Variants in CDC123 observed in about 807,000 individuals in gnomAD.
CDC123 encodes cell division cycle 123, also known as translation initiation factor eIF2 assembly protein.
In CDC123, 37 loss-of-function variants were observed where a neutral mutation model predicts 54.4. The ratio of observed to expected loss-of-function variants is 0.68; its 90% confidence interval spans 0.52 to 0.89. The LOEUF is 0.89. Ranked by LOEUF, CDC123 falls within the 40% of genes least tolerant of loss-of-function variation. The pLI, the probability that CDC123 is intolerant of heterozygous loss-of-function variation, is 0.00. For synonymous variants in CDC123, 144 were observed against 136.8 expected (o/e 1.05, Z -0.37); for missense variants, 361 against 412.1 (o/e 0.88, Z 1.07).
intron 2 of CDC123, among the ~76,000 whole-genome samples, chr10:12,207,930 C>CTGCT (rs1835543238): frequency 6.6e-6 from 1 of 152,182 alleles, no homozygotes; most frequent in Non-Finnish European, 1.5e-5. Flanking sequence ...ATATGTCTCG[C>CTGCT]TGCTCCCTGG....
At chr10:12,206,381 G>A (rs1213724829) in intron 2 of CDC123, among the ~76,000 whole-genome samples, 1 of 152,254 alleles carries the variant, frequency 6.6e-6, no homozygotes, top group Non-Finnish European at 1.5e-5. Flanking sequence ...AGAGACGTAA[G>A]AGAGAAAGGC....
chr10:12,233,315 A>ACACACT (rs778520834), intron 7 of CDC123, among the ~76,000 whole-genome samples: 5 of 125,872 alleles, frequency 4.0e-5, no homozygotes, highest in Non-Finnish European at 8.8e-5. Context: ...ACACACACAC[A>ACACACT]CTCTCTGTCT....
rs751471870 is a variant in CDC123, at chr10:12,196,210, A to G, written c.-36A>G. ...CCCAGAGTTCCGGGAGGGTGCAGGC[A>G]GGAGAGGGAAAGGCAGCAGCGGCGG... is the stretch of plus-strand genomic sequence containing the variant. On this transcript the variant is annotated 5_prime_UTR_variant, in exon 1 of 13. Transcript: ENST00000281141. The G allele has an allele frequency of 1.9e-6, 3 of 1,613,568 alleles. No homozygotes were observed. The highest frequency in any genetic ancestry group is 2.5e-6 in the Non-Finnish European group (3 of 1,179,940).
chr10:12,250,421 G>C lies in CDC123; in HGVS notation c.*84G>C. The stretch of plus-strand genomic sequence containing the variant: ...TCAGCCGCAACTTCCTGCCGACCCT[G>C]ATGCGGGTGGGCCGAGCAGTGTGGA... On this transcript the variant is annotated 3_prime_UTR_variant, in exon 13 of 13. Coordinates refer to ENST00000281141, the MANE Select transcript of CDC123 (RefSeq NM_006023.3). 9.6e-7 allele frequency: 1 copy of C among 1,038,630 alleles called. No homozygotes were observed. The highest frequency in any genetic ancestry group is 1.5e-6 in the Non-Finnish European group (1 of 655,588). 64.3% of individuals were successfully genotyped at this position (1,038,630 alleles called of 1,614,324 possible). A position where few individuals can be genotyped will look rare whatever the true frequency, so the allele number is the denominator to read the frequency against.
Position 12,238,461 on chromosome 10 carries a change from G to A in CDC123, c.693G>A (p.Val231=). ...GACTTTTTTTCTCCTTTACAGTTGT[G>A]TTCGATATATACAGAGACAGTAGGG... ...IQYKFLDEDF[V]FDIYRDSRGK... The change falls in exon 10 of 13, where the codon GTG becomes GTA. Residue 231 remains valine (V), a synonymous_variant. Coordinates refer to ENST00000281141, the MANE Select transcript of CDC123 (RefSeq NM_006023.3). The A allele has an allele frequency of 6.2e-7, 1 of 1,605,830 alleles. No homozygotes were observed. The highest frequency in any genetic ancestry group is 8.5e-7 in the Non-Finnish European group (1 of 1,177,468).
chr10:12,234,462 G>A lies in CDC123; in HGVS notation c.490-586G>A, dbSNP rs532120592. On this transcript the variant is annotated intron_variant, in intron 7 of 12. Transcript: ENST00000281141. ...CTTGAACTCCTGACCTCAGGTGATC[G>A]CCCGCCTCAGTCTCCGAAAGTGCTG... Among the ~76,000 whole-genome samples the A allele has an allele frequency of 3.5e-4, 54 of 152,270 alleles. 1 individual carries two copies. The highest frequency in any genetic ancestry group is 1.0e-3 in the African/African-American group (43 of 41,574).
chr10:12,210,876 T>C (rs1835588787), intron 4 of CDC123, among the ~76,000 whole-genome samples: 1 of 152,108 alleles, frequency 6.6e-6, no homozygotes, highest in African/African-American at 2.4e-5. Flanking sequence ...AATTTTTGTA[T>C]TTTTAGTAGT....
chr10:12,198,069 A>G (rs1193076039), intron 1 of CDC123, among the ~76,000 whole-genome samples: 1 of 152,188 alleles, frequency 6.6e-6, no homozygotes, highest in Non-Finnish European at 1.5e-5. Context: ...AAGGTAAAAA[A>G]CAAATTATCC....
At chr10:12,215,183 A>G (rs1362425790) in intron 4 of CDC123, among the ~76,000 whole-genome samples, 1 of 152,214 alleles carries the variant, frequency 6.6e-6, no homozygotes, top group Non-Finnish European at 1.5e-5. Flanking sequence ...TTTTACCTTG[A>G]CTAAGGTTCA....
chr10:12,200,377 C>T (rs1198908748), intron 2 of CDC123, among the ~76,000 whole-genome samples: 2 of 151,852 alleles, frequency 1.3e-5, no homozygotes, highest in African/African-American at 2.4e-5. Context: ...CCACCTGCTT[C>T]AGCCTCCCAA....
At position 12,217,861 on chromosome 10, in the gene CDC123, G is replaced by C. The variant is rs1389742490; in HGVS notation, c.440+394G>C. ...CCAGCACTTTGGGAGGCCAAGACAG[G>C]TGGATCACCTGAGGTCAGGAGTTCA... On this transcript the variant is annotated intron_variant, in intron 6 of 12. Transcript: ENST00000281141. Among the ~76,000 whole-genome samples, 4 of 152,234 alleles carry C rather than the reference G, an allele frequency of 2.6e-5. No homozygotes were observed. The South Asian group carries it at 8.3e-4, about 32-fold the overall frequency.
chr10:12,205,148 C>T (rs1018165968), intron 2 of CDC123, among the ~76,000 whole-genome samples: 5 of 152,098 alleles, frequency 3.3e-5, no homozygotes, highest in Non-Finnish European at 5.9e-5. Flanking sequence ...GTTTTTAGAT[C>T]CCACAGATAA....
In CDC123 at chr10:12,246,204, T is replaced by C. The variant is rs781768756; in HGVS notation, c.773T>C (p.Leu258Pro). ...TTTGGTGAAGTCACAGATTCACTGCTGTTCACCTGGGAAGAACTGATATCT... is the reference window on the plus strand; with the variant it reads ...TTTGGTGAAGTCACAGATTCACTGCCGTTCACCTGGGAAGAACTGATATCT... ...NPFGEVTDSL[L>P]FTWEELISEN... is the part of the protein sequence containing the mutation. Residue 258 changes from leucine to proline, a missense_variant, in exon 11 of 13, where the codon CTG (leucine) becomes CCG (proline). By Grantham distance (98) the Leu-to-Pro change is moderately conservative. Transcript: ENST00000281141. The C allele has an allele frequency of 1.2e-6, 2 of 1,614,068 alleles. No individual in the cohort carries two copies. The highest frequency in any genetic ancestry group is 1.1e-5 in the South Asian group (1 of 91,072).
chr10:12,243,995 C>T (rs769050329), intron 10 of CDC123, among the ~76,000 whole-genome samples: 21 of 152,100 alleles, frequency 1.4e-4, no homozygotes, highest in Non-Finnish European at 2.8e-4. Context: ...ACAACTCAAG[C>T]GGTGAGAAAT....
intron 10 of CDC123, among the ~76,000 whole-genome samples, chr10:12,242,276 G>GTA (rs1564259217): frequency 2.2e-4 from 34 of 152,294 alleles, no homozygotes; most frequent in Admixed American, 3.9e-4. Flanking sequence ...CAGGTCCTTT[G>GTA]GGAAGCATTT....
intron 6 of CDC123, among the ~76,000 whole-genome samples, chr10:12,224,213 A>G (rs1020091003): frequency 6.6e-6 from 1 of 151,930 alleles, no homozygotes; most frequent in Admixed American, 6.6e-5. Context: ...AAAAAAAAAA[A>G]AAGACATCTG....
At chr10:12,220,074 G>A (rs527917872) in intron 6 of CDC123, among the ~76,000 whole-genome samples, 6 of 152,236 alleles carry the variant, frequency 3.9e-5, no homozygotes, top group African/African-American at 1.2e-4. Flanking sequence ...CTCGTGATCC[G>A]CCCGCCTTGG....
At chr10:12,224,878 A>G (rs558210820) in intron 6 of CDC123, among the ~76,000 whole-genome samples, 3 of 152,246 alleles carry the variant, frequency 2.0e-5, no homozygotes, top group African/African-American at 7.2e-5. Context: ...GATTTAGGGT[A>G]GCCAGACTGA....
intron 6 of CDC123, among the ~76,000 whole-genome samples, chr10:12,225,064 C>G (rs1046407709): frequency 1.3e-5 from 2 of 152,144 alleles, no homozygotes; most frequent in African/African-American, 4.8e-5. Flanking sequence ...GAACCCCTTA[C>G]AGAGCTTGAA....
Sources: allele counts gnomAD v4.1 joint callset (sites outside exome capture counted in the v4.1 genomes callset), GRCh38; gene constraint gnomAD v4.1.1; transcripts MANE v1.5; gene names NCBI Gene and HGNC (gene_info 2026-07-23, HGNC 2026-07-21).